LPA: variants seen among roughly 807,000 people sequenced by gnomAD.
LPA encodes the protein apolipoprotein(a).
A neutral mutation model predicts 197.9 loss-of-function variants in LPA; 199 were observed. The observed-to-expected ratio is 1.01, with a 90% CI of 0.90 to 1.13. LPA has a LOEUF of 1.13. Ranked by LOEUF, LPA falls within the 50% of genes most tolerant of loss-of-function variation. LPA has a pLI of 0.00. For synonymous variants in LPA, 715 were observed against 639.5 expected (o/e 1.12, Z -1.78); for missense variants, 1,853 against 1,785.8 (o/e 1.04, Z -0.68).
chr6:160,580,168 A>G lies in LPA; in HGVS notation c.4290-1464T>C, dbSNP rs1288423127. Among the ~76,000 whole-genome samples, 3 of 152,078 alleles carry G rather than the reference A, an allele frequency of 2.0e-5. No individual in the cohort carries two copies. In the East Asian group the frequency reaches 5.8e-4, roughly 29 times the overall value. ...TTGACGTCTGGCTTCTTTCCTTAATATATTTTTGAGGTTTGTTCATGCTTC... is the reference window on the plus strand; with the variant it reads ...TTGACGTCTGGCTTCTTTCCTTAATGTATTTTTGAGGTTTGTTCATGCTTC... On this transcript the variant is annotated intron_variant, in intron 26 of 38. Transcript: ENST00000316300.
intron 37 of LPA, among the ~76,000 whole-genome samples, chr6:160,536,446 C>T (rs1202945204): frequency 6.6e-6 from 1 of 152,164 alleles, no homozygotes; most frequent in Non-Finnish European, 1.5e-5. Flanking sequence ...GATGCACTTT[C>T]TTATTATTTC....
rs13218692 is a variant in LPA, at chr6:160,654,050, A to T, written c.50-3553T>A. 4.8e-4 allele frequency among the ~76,000 whole-genome samples: 4 copies of T among 8,360 alleles called. 1 individual carries two copies. Among genetic ancestry groups the T allele is most frequent in the Non-Finnish European group, 6.3e-4 (3 of 4,768 alleles). 5.5% of individuals were successfully genotyped at this position (8,360 alleles called of 152,430 possible). A position where few individuals can be genotyped will look rare whatever the true frequency, so the allele number is the denominator to read the frequency against. On this transcript the variant is annotated intron_variant, in intron 1 of 38. Coordinates refer to ENST00000316300, the MANE Select transcript of LPA (RefSeq NM_005577.4). The stretch of plus-strand genomic sequence containing the variant: ...ATAATATATATTATATATAATATAT[A>T]ATATATTATATATATTATATATAAT...
rs1195669032 is a variant in LPA, at chr6:160,531,896, C to G, written c.5962-6G>C. The stretch of plus-strand genomic sequence containing the variant: ...AGAGGCCCTCCACTGTCACCCTAAA[C>G]AGAGGTAGGGGAAAATTCATGTGAG... On this transcript the variant is annotated splice_polypyrimidine_tract_variant and splice_region_variant and intron_variant, in intron 38 of 38. Coordinates refer to ENST00000316300, the MANE Select transcript of LPA (RefSeq NM_005577.4). 6.2e-7 allele frequency: 1 copy of G among 1,613,902 alleles called. No individual in the cohort carries two copies. Among genetic ancestry groups the G allele is most frequent in the South Asian group, 1.1e-5 (1 of 91,074 alleles).
At chr6:160,569,355 A>T (rs1441977206) in intron 28 of LPA, among the ~76,000 whole-genome samples, 1 of 151,980 alleles carries the variant, frequency 6.6e-6, no homozygotes, top group Non-Finnish European at 1.5e-5. Flanking sequence ...GATCTATGAC[A>T]AACCTGACAA....
chr6:160,564,339 A>G (rs1414398694), intron 28 of LPA, among the ~76,000 whole-genome samples: 2 of 152,220 alleles, frequency 1.3e-5, no homozygotes, highest in African/African-American at 2.4e-5. Flanking sequence ...GTTTGGCTGG[A>G]TATGAAATTC....
chr6:160,659,197 T>C (rs1415665307), intron 1 of LPA, among the ~76,000 whole-genome samples: 3 of 152,190 alleles, frequency 2.0e-5, no homozygotes, highest in Non-Finnish European at 2.9e-5. Context: ...CTTTATATTC[T>C]GGCTCTACAG....
In LPA at chr6:160,601,114, G is replaced by T; in HGVS notation, c.2946-16C>A. ...GATCAAGCCACTGGAAATTCCAAAA[G>T]AATACACATCACAAAAAATGGGTAC... On this transcript the variant is annotated splice_polypyrimidine_tract_variant and intron_variant, in intron 18 of 38. Coordinates refer to ENST00000316300, the MANE Select transcript of LPA (RefSeq NM_005577.4). 2.5e-6 allele frequency: 4 copies of T among 1,613,618 alleles called. No individual in the cohort carries two copies. The highest frequency in any genetic ancestry group is 1.1e-5 in the South Asian group (1 of 91,078).
At position 160,557,499 on chromosome 6, in the gene LPA, A is replaced by G; in HGVS notation, c.4704T>C (p.Cys1568=). ...KQPWCYTTDP[C]VRWEYCNLTQ... ...TCAGATTGCAGTACTCCCACCTCAC[A>G]CACGGATCGGTTGTGTAACACCAGG... is the stretch of plus-strand genomic sequence containing the variant. The change falls in exon 29 of 39, where the codon TGT becomes TGC. Residue 1568 remains cysteine, a synonymous_variant. Transcript: ENST00000316300. 6.2e-7 allele frequency: 1 copy of G among 1,613,958 alleles called. No individual in the cohort carries two copies. The highest frequency in any genetic ancestry group is 8.5e-7 in the Non-Finnish European group (1 of 1,179,988).
chr6:160,635,509 A>T, intron 6 of LPA, among the ~76,000 whole-genome samples: 1 of 112,894 alleles, frequency 8.9e-6, no homozygotes, highest in South Asian at 2.6e-4. Flanking sequence ...GATTATTACT[A>T]TTTTTTTTAA....
At position 160,570,622 on chromosome 6, in the gene LPA, C is replaced by T. The variant is rs1583586212; in HGVS notation, c.4631+6514G>A. ...CACCTTGTGCACATGTACCCTAGAA[C>T]TTAAAGTATAATAATAGTAAAAAAG... On this transcript the variant is annotated intron_variant, in intron 28 of 38. Transcript: ENST00000316300. 2.0e-5 allele frequency among the ~76,000 whole-genome samples: 3 copies of T among 152,276 alleles called. No homozygotes were observed. In the South Asian group the frequency reaches 6.2e-4, roughly 32 times the overall value.
chr6:160,609,166 C>G (rs1466634947), intron 16 of LPA, among the ~76,000 whole-genome samples: 2 of 152,030 alleles, frequency 1.3e-5, no homozygotes, highest in African/African-American at 4.8e-5. Flanking sequence ...ATACCTAATT[C>G]TTTCGGGTCA....
At chr6:160,537,558 C>T (rs1315565162) in intron 37 of LPA, among the ~76,000 whole-genome samples, 2 of 152,106 alleles carry the variant, frequency 1.3e-5, no homozygotes, top group Non-Finnish European at 2.9e-5. Flanking sequence ...TTAAGAGACT[C>T]AAAGACCTCT....
intron 20 of LPA, among the ~76,000 whole-genome samples, chr6:160,599,101 T>C (rs549351047): frequency 6.6e-6 from 1 of 152,160 alleles, no homozygotes; most frequent in Non-Finnish European, 1.5e-5. Context: ...CCCAGCACTT[T>C]GGGAGGCTGA....
At position 160,589,548 on chromosome 6, in the gene LPA, C is replaced by T; in HGVS notation, c.3947+5G>A. Reference sequence around the variant, plus strand: ...TTTCTCTTGGGAGAAAACTCAAAGACATACCCATTTGGGTAGTATTCTGTG... The same window carrying T: ...TTTCTCTTGGGAGAAAACTCAAAGATATACCCATTTGGGTAGTATTCTGTG... On this transcript the variant is annotated splice_donor_5th_base_variant and intron_variant, in intron 24 of 38. Transcript: ENST00000316300. 1 of 1,613,292 alleles carries T rather than the reference C, an allele frequency of 6.2e-7. No individual in the cohort carries two copies. The highest frequency in any genetic ancestry group is 2.2e-5 in the East Asian group (1 of 44,846).
At chr6:160,590,451 C>T (rs887592811) in intron 23 of LPA, among the ~76,000 whole-genome samples, 1 of 152,136 alleles carries the variant, frequency 6.6e-6, no homozygotes, top group Non-Finnish European at 1.5e-5. Flanking sequence ...CATTTGCTGG[C>T]TATGTACTGT....
intron 2 of LPA, among the ~76,000 whole-genome samples, chr6:160,648,519 G>A (rs539921898): frequency 1.3e-5 from 2 of 151,866 alleles, no homozygotes; most frequent in African/African-American, 4.8e-5. Flanking sequence ...CTTTATGTCT[G>A]TGTGGCTCGG....
rs1562331263 is a variant in LPA, at chr6:160,584,233, CTTCT to C, written c.4289+809_4289+812del. On this transcript the variant is annotated intron_variant, in intron 26 of 38. Transcript: ENST00000316300. Reference sequence around the variant, plus strand: ...TCTTCTTCTTCTTCTTCTTCTTCTTCTTCTTCCTCCTCCTCCTCCTCCTCCTCTT... The same window carrying C: ...TCTTCTTCTTCTTCTTCTTCTTCTTCTCCTCCTCCTCCTCCTCCTCCTCTT... 3.6e-3 allele frequency among the ~76,000 whole-genome samples: 322 copies of C among 89,510 alleles called. 1 individual carries two copies. The highest frequency in any genetic ancestry group is 8.1e-3 in the African/African-American group (215 of 26,576). 58.7% of individuals were successfully genotyped at this position (89,510 alleles called of 152,430 possible). A position where few individuals can be genotyped will look rare whatever the true frequency, so the allele number is the denominator to read the frequency against.
chr6:160,566,765 C>T (rs1258815600), intron 28 of LPA, among the ~76,000 whole-genome samples: 2 of 152,092 alleles, frequency 1.3e-5, no homozygotes, highest in Non-Finnish European at 2.9e-5. Flanking sequence ...TGCAGAGACA[C>T]ACATAGGCTC....
Position 160,532,611 on chromosome 6 carries a change from G to C in LPA, c.5881C>G (p.Leu1961Val). The C allele has an allele frequency of 6.2e-7, 1 of 1,613,290 alleles. No homozygotes were observed. Among genetic ancestry groups the C allele is most frequent in the South Asian group, 1.1e-5 (1 of 91,058 alleles). Reference sequence around the variant, plus strand: ...TTGCACACTTCATTCTCAATAACAAGGAGCTGGGCTTCCTTGAGAAGGCCA... The same window carrying C: ...TTGCACACTTCATTCTCAATAACAACGAGCTGGGCTTCCTTGAGAAGGCCA... ...GTGLLKEAQL[L>V]VIENEVCNHY... The change falls in exon 38 of 39, where the codon CTT (leucine) becomes GTT (valine). Residue 1961 changes from leucine to valine, a missense_variant. Around this residue, in one of 3 missense-constraint regions of LPA, gnomAD observed 1,737 missense variants for 1,504.4 expected, o/e 1.15. Transcript: ENST00000316300.
Sources: allele counts gnomAD v4.1 joint callset (sites outside exome capture counted in the v4.1 genomes callset), GRCh38; gene constraint gnomAD v4.1.1; regional missense constraint gnomAD v4.1.1; transcripts MANE v1.5; gene names NCBI Gene and HGNC (gene_info 2026-07-23, HGNC 2026-07-21).